DACH2: variants seen among roughly 807,000 people sequenced by gnomAD.
DACH2 encodes dachshund family transcription factor 2.
DACH2 carries 17 observed loss-of-function variants against 35.8 expected under a neutral mutation model. That is an observed-to-expected ratio of 0.48 (90% CI 0.33 to 0.71). The LOEUF (loss-of-function observed/expected upper bound fraction) is 0.71, where lower values mean the gene tolerates loss of function less well. Among genes scored for constraint, DACH2 ranks in the 30% least tolerant of loss-of-function variants. DACH2 has a pLI of 0.02. For missense variants in DACH2, 469 were observed against 472.7 expected (o/e 0.99, Z 0.07); for synonymous variants, 195 against 177.3 (o/e 1.10, Z -0.79).
intron 6 of DACH2, among the ~76,000 whole-genome samples, chrX:86,716,574 T>C (rs1312773793): frequency 9.0e-6 from 1 of 111,374 alleles, no homozygotes; most frequent in Non-Finnish European, 1.9e-5. Context: ...AATGGTATTG[T>C]TATACTGGCT....
chrX:86,276,114 C>A (rs376528542), intron 1 of DACH2, among the ~76,000 whole-genome samples: 1 of 111,762 alleles, frequency 8.9e-6, no homozygotes, highest in Admixed American at 9.5e-5. Flanking sequence ...TTAAACTGTT[C>A]TCCACAGTGG....
intron 1 of DACH2, among the ~76,000 whole-genome samples, chrX:86,189,787 C>G (rs929154724): frequency 2.7e-5 from 3 of 111,423 alleles, no homozygotes; most frequent in African/African-American, 9.8e-5. Flanking sequence ...AATTTATCAT[C>G]TTGTCATTAC....
intron 2 of DACH2, among the ~76,000 whole-genome samples, chrX:86,423,402 G>A (rs2036838360): frequency 9.0e-6 from 1 of 110,968 alleles, no homozygotes; most frequent in Non-Finnish European, 1.9e-5. Flanking sequence ...TTTTTGATTT[G>A]CATTTCTCTG....
intron 3 of DACH2, among the ~76,000 whole-genome samples, chrX:86,603,842 G>A (rs2148361000): frequency 9.0e-6 from 1 of 110,684 alleles, no homozygotes; most frequent in South Asian, 3.7e-4. Flanking sequence ...GTTTTACTTT[G>A]TTCCCTTTTC....
At chrX:86,165,898 A>C (rs1489390590) in intron 1 of DACH2, among the ~76,000 whole-genome samples, 5 of 111,532 alleles carry the variant, frequency 4.5e-5, no homozygotes, top group Admixed American at 1.9e-4. Context: ...TGCTCAAGAA[A>C]TCTTTGCCCA....
chrX:86,550,195 G>T (rs1341509278), intron 3 of DACH2, among the ~76,000 whole-genome samples: 4 of 111,366 alleles, frequency 3.6e-5, no homozygotes, highest in Non-Finnish European at 7.6e-5. Context: ...TGATATTTTT[G>T]AACTTGAGGT....
At chrX:86,813,679 A>G (rs1226127560) in intron 9 of DACH2, among the ~76,000 whole-genome samples, 1 of 108,762 alleles carries the variant, frequency 9.2e-6, no homozygotes, top group Non-Finnish European at 1.9e-5. Flanking sequence ...TAACATAGCT[A>G]CATGAAACCT....
At chrX:86,777,745 GAAAT>G (rs768191510) in intron 7 of DACH2, among the ~76,000 whole-genome samples, 32 of 110,821 alleles carry the variant, frequency 2.9e-4, no homozygotes, top group Admixed American at 4.9e-4. Context: ...TTTCCTTTCT[GAAAT>G]AAATAGTTCG....
At chrX:86,718,501 T>C (rs922316834) in intron 6 of DACH2, among the ~76,000 whole-genome samples, 2 of 111,921 alleles carry the variant, frequency 1.8e-5, no homozygotes, top group African/African-American at 6.5e-5. Flanking sequence ...ATTTGTCTAT[T>C]TTTGTTTTTG....
chrX:86,556,942 G>A (rs192942532), intron 3 of DACH2, among the ~76,000 whole-genome samples: 28 of 106,752 alleles, frequency 2.6e-4, no homozygotes, highest in African/African-American at 7.4e-4. Context: ...AATTCAGTCC[G>A]AGTGTGAAGG....
At chrX:86,265,041 G>A (rs1287764222) in intron 1 of DACH2, among the ~76,000 whole-genome samples, 2 of 111,133 alleles carry the variant, frequency 1.8e-5, no homozygotes, top group Non-Finnish European at 3.8e-5. Context: ...AATCTCCGTG[G>A]CCATTAGATT....
In DACH2 at chrX:86,830,605, T is replaced by G. The variant is rs142053194; in HGVS notation, c.1751-1501T>G. On this transcript the variant is annotated intron_variant, in intron 11 of 11. Transcript: ENST00000373125. ...AAGTAGAAATTTTTCAGAAACTGCA[T>G]TTTTCTAAAGGACAAATGGTGATTG... is the stretch of plus-strand genomic sequence containing the variant. 5 of 111,670 alleles carry G rather than the reference T, an allele frequency of 4.5e-5. No homozygotes were observed. In the East Asian group the frequency reaches 1.4e-3, roughly 32 times the overall value. The allele number at this position is 111,670 out of a possible 1,213,427, so 9.2% of individuals were successfully genotyped here.
At chrX:86,227,355 T>C (rs2032848441) in intron 1 of DACH2, among the ~76,000 whole-genome samples, 1 of 111,861 alleles carries the variant, frequency 8.9e-6, no homozygotes, top group Non-Finnish European at 1.9e-5. Context: ...TACCCTTTGG[T>C]ATGTTTACTC....
At chrX:86,672,850 C>T in intron 4 of DACH2, among the ~76,000 whole-genome samples, 1 of 111,590 alleles carries the variant, frequency 9.0e-6, no homozygotes, top group Non-Finnish European at 1.9e-5. Flanking sequence ...CCACCATCCT[C>T]CAGACCCCAG....
intron 1 of DACH2, among the ~76,000 whole-genome samples, chrX:86,241,485 G>A (rs2033165067): frequency 8.9e-6 from 1 of 112,095 alleles, no homozygotes; most frequent in Non-Finnish European, 1.9e-5. Flanking sequence ...AATTTGTAAT[G>A]AGATTGTCTG....
intron 2 of DACH2, among the ~76,000 whole-genome samples, chrX:86,396,742 G>A (rs1228694482): frequency 1.8e-5 from 2 of 110,939 alleles, no homozygotes; most frequent in African/African-American, 3.3e-5. Flanking sequence ...TGTTCCATTG[G>A]TCTATATCTC....
intron 1 of DACH2, among the ~76,000 whole-genome samples, chrX:86,360,976 A>G (rs903024140): frequency 9.0e-6 from 1 of 111,131 alleles, no homozygotes; most frequent in African/African-American, 3.3e-5. Context: ...AAGAACCCTA[A>G]AAAAACCTAC....
intron 2 of DACH2, among the ~76,000 whole-genome samples, chrX:86,484,536 G>T (rs2037990593): frequency 8.9e-6 from 1 of 112,216 alleles, no homozygotes; most frequent in Admixed American, 9.5e-5. Context: ...TGTGGTATTA[G>T]ATTTTAATTA....
chrX:86,625,162 C>T (rs1426004540), intron 3 of DACH2, among the ~76,000 whole-genome samples: 1 of 108,588 alleles, frequency 9.2e-6, no homozygotes, highest in Non-Finnish European at 1.9e-5. Context: ...AATATTCTAC[C>T]TTACAAATCA....
Sources: gnomAD v4.1 joint callset for allele counts (sites outside exome capture counted in the v4.1 genomes callset) on GRCh38, gnomAD v4.1.1 for gene constraint, MANE v1.5 for transcripts, NCBI Gene and HGNC (gene_info 2026-07-23, HGNC 2026-07-21) for gene names.